The following DACH1 variants were observed in gnomAD, a reference collection of about 807,000 sequenced individuals.
DACH1 encodes the protein dachshund family transcription factor 1.
A neutral mutation model predicts 54.2 loss-of-function variants in DACH1; 12 were observed. That is an observed-to-expected ratio of 0.22 (90% CI 0.14 to 0.36). The LOEUF (loss-of-function observed/expected upper bound fraction) is 0.36, where lower values mean the gene tolerates loss of function less well. DACH1 is among the 10% of genes least tolerant of loss of function. The probability of loss-of-function intolerance (pLI) is 1.00; values close to 1 mark genes in which losing one functional copy is unlikely to be tolerated. For synonymous variants in DACH1, 386 were observed against 366.2 expected (o/e 1.05, Z -0.62); for missense variants, 805 against 929.8 (o/e 0.87, Z 1.75).
chr13:71,589,019 C>T (rs944055877), intron 3 of DACH1, among the ~76,000 whole-genome samples: 4 of 151,906 alleles, frequency 2.6e-5, no homozygotes, highest in Non-Finnish European at 5.9e-5. Context: ...CTATGAAATG[C>T]GATAGTGTTT....
intron 6 of DACH1, among the ~76,000 whole-genome samples, chr13:71,556,384 C>A (rs935386531): frequency 6.6e-6 from 1 of 151,972 alleles, no homozygotes; most frequent in Non-Finnish European, 1.5e-5. Context: ...TTTGAAAATA[C>A]GTATTTGCAT....
At chr13:71,651,632 G>A (rs1349035585) in intron 2 of DACH1, among the ~76,000 whole-genome samples, 2 of 151,844 alleles carry the variant, frequency 1.3e-5, no homozygotes, top group Non-Finnish European at 2.9e-5. Context: ...TGGCACTCTG[G>A]GAGTGAGATA....
intron 2 of DACH1, among the ~76,000 whole-genome samples, chr13:71,651,688 GTA>G (rs1254726015): frequency 7.8e-6 from 1 of 127,582 alleles, no homozygotes; most frequent in Non-Finnish European, 1.8e-5. Flanking sequence ...ATCTGTATAT[GTA>G]TATGTATATG....
chr13:71,553,711 A>T (rs1593883557), intron 6 of DACH1, among the ~76,000 whole-genome samples: 1 of 148,304 alleles, frequency 6.7e-6, no homozygotes, highest in Admixed American at 6.8e-5. Flanking sequence ...TAAGCTCAAA[A>T]CCTTATGTGA....
intron 6 of DACH1, among the ~76,000 whole-genome samples, chr13:71,515,432 T>C (rs1473716841): frequency 1.3e-5 from 2 of 151,962 alleles, no homozygotes; most frequent in South Asian, 4.1e-4. Context: ...TTAAAATTAA[T>C]GGGATGTCTT....
rs1878782371 is a variant in DACH1, at chr13:71,489,124, G to T, written c.1595C>A (p.Thr532Asn). Residue 532 changes from threonine to asparagine, a missense_variant, in exon 7 of 11, where the codon ACC (threonine) becomes AAC (asparagine). This residue lies in a region of DACH1 where 472 missense variants were observed against 545.3 expected (regional missense o/e 0.87). Transcript: ENST00000613252. ...EKDETPLSTP[T>N]ARDSLDKLSL... is the part of the protein sequence containing the mutation. Reference sequence around the variant, plus strand: ...GAGTTTGTCAAGGCTGTCTCTTGCGGTTGGTGTAGAAAGCGGGGTCTCATC... The same window carrying T: ...GAGTTTGTCAAGGCTGTCTCTTGCGTTTGGTGTAGAAAGCGGGGTCTCATC... The T allele has an allele frequency of 1.2e-6, 2 of 1,613,448 alleles. No homozygotes were observed. Among genetic ancestry groups the T allele is most frequent in the Admixed American group, 3.3e-5 (2 of 59,956 alleles).
At chr13:71,734,892 C>T (rs1883937625) in intron 1 of DACH1, among the ~76,000 whole-genome samples, 1 of 140,722 alleles carries the variant, frequency 7.1e-6, no homozygotes, top group African/African-American at 2.9e-5. Flanking sequence ...TACGTATATC[C>T]CATATACATA....
chr13:71,797,719 T>G (rs370242859), intron 1 of DACH1, among the ~76,000 whole-genome samples: 26 of 152,224 alleles, frequency 1.7e-4, no homozygotes, highest in East Asian at 1.4e-3. Context: ...TGTTCCGAGA[T>G]ATTTATTTCC....
intron 7 of DACH1, among the ~76,000 whole-genome samples, chr13:71,486,530 A>G (rs1878515745): frequency 6.6e-6 from 1 of 152,110 alleles, no homozygotes; most frequent in African/African-American, 2.4e-5. Context: ...AGCATCTGCA[A>G]GCTTTTGTAA....
chr13:71,849,109 T>C (rs1873489161), intron 1 of DACH1, among the ~76,000 whole-genome samples: 1 of 150,526 alleles, frequency 6.6e-6, no homozygotes, highest in African/African-American at 2.4e-5. Context: ...TCTTTTGAAA[T>C]AACATAATGA....
At chr13:71,794,728 G>A (rs568821454) in intron 1 of DACH1, among the ~76,000 whole-genome samples, 2 of 152,238 alleles carry the variant, frequency 1.3e-5, no homozygotes, top group Admixed American at 6.5e-5. Flanking sequence ...GTGAGCCACC[G>A]CACCCAACAA....
At chr13:71,850,912 A>G (rs1196303580) in intron 1 of DACH1, among the ~76,000 whole-genome samples, 1 of 152,228 alleles carries the variant, frequency 6.6e-6, no homozygotes, top group Non-Finnish European at 1.5e-5. Flanking sequence ...GTACAGTACA[A>G]CCTATCCTTA....
intron 2 of DACH1, among the ~76,000 whole-genome samples, chr13:71,660,770 A>T (rs1439645818): frequency 6.6e-6 from 1 of 151,868 alleles, no homozygotes; most frequent in East Asian, 2.0e-4. Flanking sequence ...AATTATAGTT[A>T]ACTCCTTCAG....
intron 1 of DACH1, among the ~76,000 whole-genome samples, chr13:71,858,395 T>C (rs1278062889): frequency 6.6e-6 from 1 of 151,720 alleles, no homozygotes; most frequent in East Asian, 1.9e-4. Context: ...TTCTCAATTA[T>C]TCAATGTTAC....
chr13:71,769,547 G>A (rs1490271391), intron 1 of DACH1, among the ~76,000 whole-genome samples: 1 of 151,616 alleles, frequency 6.6e-6, no homozygotes. Context: ...TGCACTTTGT[G>A]AGGGTCACTT....
At chr13:71,590,136 C>A (rs1566362804) in intron 3 of DACH1, among the ~76,000 whole-genome samples, 1 of 151,966 alleles carries the variant, frequency 6.6e-6, no homozygotes, top group Non-Finnish European at 1.5e-5. Context: ...ATAAAGCATT[C>A]TTGGGTTCAC....
intron 6 of DACH1, among the ~76,000 whole-genome samples, chr13:71,517,778 G>T (rs985442766): frequency 2.0e-5 from 3 of 151,844 alleles, no homozygotes; most frequent in African/African-American, 7.2e-5. Context: ...GCATTTGCTA[G>T]TCTAACCTTT....
At chr13:71,504,160 C>T (rs1159691331) in intron 6 of DACH1, among the ~76,000 whole-genome samples, 1 of 152,140 alleles carries the variant, frequency 6.6e-6, no homozygotes, top group African/African-American at 2.4e-5. Flanking sequence ...ATTGTACTTA[C>T]TAGCTTTTCA....
chr13:71,796,062 C>T (rs1448014197), intron 1 of DACH1, among the ~76,000 whole-genome samples: 1 of 152,124 alleles, frequency 6.6e-6, no homozygotes, highest in Non-Finnish European at 1.5e-5. Context: ...TTCTGGAATG[C>T]CTTGTATTAC....
Sources: gnomAD v4.1 joint callset for allele counts (sites outside exome capture counted in the v4.1 genomes callset) on GRCh38, gnomAD v4.1.1 for gene constraint, gnomAD v4.1.1 regional missense constraint, MANE v1.5 for transcripts, NCBI Gene and HGNC (gene_info 2026-07-23, HGNC 2026-07-21) for gene names.